Variants in TBC1D19 observed in about 807,000 individuals in gnomAD.
TBC1D19 encodes the protein TBC1 domain family member 19.
A neutral mutation model predicts 89.0 loss-of-function variants in TBC1D19; 60 were observed. The ratio of observed to expected loss-of-function variants is 0.67; its 90% confidence interval spans 0.55 to 0.84. The LOEUF is 0.84. Ranked by LOEUF, TBC1D19 falls within the 40% of genes least tolerant of loss-of-function variation. The pLI, the probability that TBC1D19 is intolerant of heterozygous loss-of-function variation, is 0.00. For synonymous variants in TBC1D19, 189 were observed against 199.7 expected (o/e 0.95, Z 0.45); for missense variants, 500 against 610.8 (o/e 0.82, Z 1.91).
At chr4:26,827,634 C>T in the TBC1D19 span, among the ~76,000 whole-genome samples, 167 of 152,132 alleles carry the variant, frequency 1.1e-3, no homozygotes, top group African/African-American at 3.7e-3. Flanking sequence ...GGCTGGCACT[C>T]ACCTACTCAG....
chr4:26,654,723 C>A (rs977438993), intron 7 of TBC1D19, among the ~76,000 whole-genome samples: 1 of 152,186 alleles, frequency 6.6e-6, no homozygotes, highest in Admixed American at 6.5e-5. Flanking sequence ...GTTTTCAGCT[C>A]CATCAGGTCC....
intron 11 of TBC1D19, among the ~76,000 whole-genome samples, chr4:26,678,274 C>T (rs1219018677): frequency 1.3e-5 from 2 of 152,114 alleles, no homozygotes; most frequent in Admixed American, 1.3e-4. Context: ...GCATTTTGTC[C>T]CTGCCCTAGA....
intron 13 of TBC1D19, among the ~76,000 whole-genome samples, chr4:26,698,954 C>G (rs1220636364): frequency 6.6e-6 from 1 of 152,154 alleles, no homozygotes; most frequent in Admixed American, 6.5e-5. Context: ...TAGGCATGGG[C>G]AAGGACTTCA....
At chr4:26,671,260 T>G (rs1056626748) in intron 9 of TBC1D19, among the ~76,000 whole-genome samples, 2 of 151,806 alleles carry the variant, frequency 1.3e-5, no homozygotes, top group East Asian at 3.9e-4. Flanking sequence ...TCATAGTGGT[T>G]TTAATTGCAT....
the TBC1D19 span, among the ~76,000 whole-genome samples, chr4:26,795,568 A>G: frequency 5.3e-5 from 8 of 152,150 alleles, no homozygotes; most frequent in African/African-American, 1.9e-4. Context: ...TTACAGGATG[A>G]TTGGTGCTGT....
chr4:26,620,373 C>G (rs1381388455), intron 3 of TBC1D19, among the ~76,000 whole-genome samples: 1 of 152,140 alleles, frequency 6.6e-6, no homozygotes, highest in Non-Finnish European at 1.5e-5. Flanking sequence ...GCTTTCTTCA[C>G]GAGAATGTTA....
intron 7 of TBC1D19, among the ~76,000 whole-genome samples, chr4:26,654,044 C>G (rs1744604815): frequency 6.6e-6 from 1 of 152,142 alleles, no homozygotes; most frequent in South Asian, 2.1e-4. Flanking sequence ...GTGCTTCCTT[C>G]AGGAGCTCTT....
Position 26,596,936 on chromosome 4 carries a change from CT to C in TBC1D19, c.99+12646del, listed in dbSNP as rs76607409. ...TTTGTTATTGATTTCTAGGCTGAAG[CT>C]TGCTTTGCTGATTTGCTTGATTTGC... On this transcript the variant is annotated intron_variant, in intron 1 of 20. Transcript: ENST00000264866. Among the ~76,000 whole-genome samples, 44 of 152,274 alleles carry C rather than the reference CT, an allele frequency of 2.9e-4. 2 individuals carry two copies. The East Asian group carries it at 5.4e-3, about 19-fold the overall frequency.
At chr4:26,843,533 A>G in the TBC1D19 span, among the ~76,000 whole-genome samples, 2 of 151,662 alleles carry the variant, frequency 1.3e-5, no homozygotes, top group Non-Finnish European at 2.9e-5. Context: ...AATTTTATCA[A>G]CAGTAAATAT....
the TBC1D19 span, among the ~76,000 whole-genome samples, chr4:26,848,818 T>C: frequency 6.6e-6 from 1 of 152,220 alleles, no homozygotes; most frequent in South Asian, 2.1e-4. Flanking sequence ...CATTGCTTAT[T>C]ATATAGAAAT....
the TBC1D19 span, among the ~76,000 whole-genome samples, chr4:26,851,693 C>A: frequency 6.6e-6 from 1 of 152,000 alleles, no homozygotes; most frequent in South Asian, 2.1e-4. Flanking sequence ...TAAATGTGTA[C>A]CTTGCTGTGA....
the TBC1D19 span, among the ~76,000 whole-genome samples, chr4:26,813,924 C>T: frequency 4.6e-5 from 7 of 152,302 alleles, 1 homozygote; most frequent in Middle Eastern, 0.01. Flanking sequence ...GTCACTGGCA[C>T]CGCCTGTCTC....
chr4:26,782,967 C>G, the TBC1D19 span, among the ~76,000 whole-genome samples: 1 of 152,142 alleles, frequency 6.6e-6, no homozygotes, highest in South Asian at 2.1e-4. Context: ...AGTCATGTAT[C>G]TAATCTGCTT....
At chr4:26,834,739 G>A in the TBC1D19 span, among the ~76,000 whole-genome samples, 12 of 152,270 alleles carry the variant, frequency 7.9e-5, no homozygotes, top group South Asian at 4.1e-4. Context: ...GAGGGATGAT[G>A]TTTCTCAAGG....
At chr4:26,653,368 T>C (rs1027218817) in intron 7 of TBC1D19, among the ~76,000 whole-genome samples, 14 of 152,304 alleles carry the variant, frequency 9.2e-5, no homozygotes, top group African/African-American at 3.1e-4. Context: ...GAGAGTTCTG[T>C]AGATGTCTAT....
At chr4:26,783,714 T>C in the TBC1D19 span, among the ~76,000 whole-genome samples, 25 of 152,238 alleles carry the variant, frequency 1.6e-4, 1 homozygote, top group African/African-American at 5.1e-4. Flanking sequence ...AATAGCTAGA[T>C]GGGGGAGATA....
At chr4:26,625,375 G>A (rs1017088429) in intron 4 of TBC1D19, among the ~76,000 whole-genome samples, 2 of 152,236 alleles carry the variant, frequency 1.3e-5, no homozygotes, top group South Asian at 2.1e-4. Context: ...ACTGGACTTC[G>A]TATTTTAGAA....
intron 18 of TBC1D19, among the ~76,000 whole-genome samples, chr4:26,746,942 C>T (rs910166239): frequency 6.6e-6 from 1 of 152,086 alleles, no homozygotes; most frequent in African/African-American, 2.4e-5. Flanking sequence ...GTGGGTAGCA[C>T]GTACAGCATA....
At chr4:26,844,204 A>G in the TBC1D19 span, among the ~76,000 whole-genome samples, 2 of 152,214 alleles carry the variant, frequency 1.3e-5, no homozygotes, top group South Asian at 2.1e-4. Context: ...CAGTACTTCA[A>G]CGTCATCCCA....
Sources: gnomAD v4.1 joint callset for allele counts (sites outside exome capture counted in the v4.1 genomes callset) on GRCh38, gnomAD v4.1.1 for gene constraint, MANE v1.5 for transcripts, NCBI Gene and HGNC (gene_info 2026-07-23, HGNC 2026-07-21) for gene names.